BABAM2: variants seen among roughly 807,000 people sequenced by gnomAD.
BABAM2 encodes the protein BRISC and BRCA1 A complex member 2.
Under a neutral mutation model 54.7 loss-of-function variants are expected in BABAM2, and 31 were observed. That is an observed-to-expected ratio of 0.57 (90% CI 0.43 to 0.77). BABAM2 has a LOEUF of 0.77. Ranked by LOEUF, BABAM2 falls within the 30% of genes least tolerant of loss-of-function variation. BABAM2 has a pLI of 0.00. For missense variants in BABAM2, 364 were observed against 455.8 expected (o/e 0.80, Z 1.83); for synonymous variants, 167 against 162.9 (o/e 1.03, Z -0.19).
intron 6 of BABAM2, among the ~76,000 whole-genome samples, chr2:28,121,171 C>T (rs1669032698): frequency 6.6e-6 from 1 of 152,204 alleles, no homozygotes; most frequent in African/African-American, 2.4e-5. Context: ...CATCCTCCTT[C>T]ATGGAGTAAA....
chr2:28,258,057 A>G (rs1684117936), intron 10 of BABAM2, among the ~76,000 whole-genome samples: 1 of 151,946 alleles, frequency 6.6e-6, no homozygotes. Flanking sequence ...GGCACTTGTA[A>G]TCCCACCTAC....
At chr2:28,250,294 G>C (rs1383676797) in intron 10 of BABAM2, among the ~76,000 whole-genome samples, 1 of 145,696 alleles carries the variant, frequency 6.9e-6, no homozygotes, top group Non-Finnish European at 1.5e-5. Context: ...AGCACAGTGA[G>C]TAAGGGGAAG....
intron 5 of BABAM2, among the ~76,000 whole-genome samples, chr2:28,027,655 C>T (rs1176653957): frequency 3.9e-5 from 6 of 152,154 alleles, no homozygotes; most frequent in African/African-American, 1.4e-4. Flanking sequence ...CTTTTTATGG[C>T]TGAATAATAT....
intron 7 of BABAM2, among the ~76,000 whole-genome samples, chr2:28,215,173 T>C (rs990143884): frequency 6.6e-6 from 1 of 152,172 alleles, no homozygotes; most frequent in African/African-American, 2.4e-5. Flanking sequence ...TCTCCTTTCA[T>C]AGTAATATTT....
chr2:27,921,290 G>A lies in BABAM2; in HGVS notation c.129-8542G>A, dbSNP rs556064987. ...TAAATAATTTTCTTTTCATTAGAAC[G>A]CATGTAATAGAACTTCTTTTTGGCA... On this transcript the variant is annotated intron_variant, in intron 2 of 11. Coordinates refer to ENST00000379624, the MANE Select transcript of BABAM2 (RefSeq NM_199191.3). 3.6e-4 allele frequency among the ~76,000 whole-genome samples: 54 copies of A among 152,064 alleles called. 1 individual carries two copies. Among genetic ancestry groups the A allele is most frequent in the African/African-American group, 1.3e-3 (54 of 41,456 alleles).
At chr2:28,217,383 A>C (rs1177098343) in intron 7 of BABAM2, among the ~76,000 whole-genome samples, 2 of 152,240 alleles carry the variant, frequency 1.3e-5, no homozygotes, top group African/African-American at 4.8e-5. Flanking sequence ...AAAGTACTGT[A>C]TGGGTCAGTT....
At chr2:28,093,582 G>C (rs1339128421) in intron 6 of BABAM2, among the ~76,000 whole-genome samples, 2 of 152,028 alleles carry the variant, frequency 1.3e-5, no homozygotes, top group African/African-American at 2.4e-5. Flanking sequence ...ACCTGTAATA[G>C]GAATAAAGAT....
intron 11 of BABAM2, 88 bp from the exon 12 acceptor site, chr2:28,338,362 C>G: frequency 8.4e-7 from 1 of 1,186,030 alleles, no homozygotes; most frequent in South Asian, 1.2e-5. Context: ...AACAACTGTT[C>G]TGAGTTAGCT....
chr2:28,169,809 T>G (rs533206917), intron 7 of BABAM2, among the ~76,000 whole-genome samples: 54 of 150,130 alleles, frequency 3.6e-4, no homozygotes, highest in African/African-American at 1.3e-3. Context: ...AATAAGGGAT[T>G]AGATATTACA....
At chr2:28,038,837 A>C (rs1289245755) in intron 5 of BABAM2, among the ~76,000 whole-genome samples, 1 of 152,190 alleles carries the variant, frequency 6.6e-6, no homozygotes, top group Non-Finnish European at 1.5e-5. Context: ...CAGTGCTATA[A>C]TAAACATATA....
chr2:28,202,416 C>G (rs1321834727), intron 7 of BABAM2, among the ~76,000 whole-genome samples: 1 of 151,928 alleles, frequency 6.6e-6, no homozygotes, highest in Non-Finnish European at 1.5e-5. Flanking sequence ...TGTCTTCTCT[C>G]TCTTCCTCCC....
At chr2:27,893,335 T>G (rs1475345435) in intron 1 of BABAM2, among the ~76,000 whole-genome samples, 1 of 152,228 alleles carries the variant, frequency 6.6e-6, no homozygotes, top group Non-Finnish European at 1.5e-5. Context: ...GTGTAAGGAC[T>G]TAGTGCCTTA....
chr2:28,107,119 C>G (rs1573591074), intron 6 of BABAM2, among the ~76,000 whole-genome samples: 1 of 152,090 alleles, frequency 6.6e-6, no homozygotes, highest in African/African-American at 2.4e-5. Context: ...AACCAACTTG[C>G]TACTGTTGCT....
intron 2 of BABAM2, among the ~76,000 whole-genome samples, chr2:27,902,467 T>C (rs1665860383): frequency 6.6e-6 from 1 of 152,162 alleles, no homozygotes; most frequent in African/African-American, 2.4e-5. Context: ...CATCTTCTAT[T>C]TTATTAGATA....
At chr2:27,930,916 A>G (rs752153126) in intron 3 of BABAM2, among the ~76,000 whole-genome samples, 10 of 152,210 alleles carry the variant, frequency 6.6e-5, no homozygotes, top group Non-Finnish European at 1.3e-4. Context: ...CTATTCCTAA[A>G]AAGAAAAATA....
intron 6 of BABAM2, among the ~76,000 whole-genome samples, chr2:28,050,018 A>T (rs1230508905): frequency 6.6e-6 from 1 of 152,190 alleles, no homozygotes; most frequent in Non-Finnish European, 1.5e-5. Flanking sequence ...ATCTGACTTG[A>T]TACAATACAA....
chr2:28,070,041 T>A (rs897901877), intron 6 of BABAM2, among the ~76,000 whole-genome samples: 1 of 152,164 alleles, frequency 6.6e-6, no homozygotes, highest in Non-Finnish European at 1.5e-5. Context: ...ATGCTAAAAA[T>A]TCATTCTTAA....
At chr2:27,970,336 A>T (rs1558626713) in intron 3 of BABAM2, among the ~76,000 whole-genome samples, 1 of 152,150 alleles carries the variant, frequency 6.6e-6, no homozygotes, top group Non-Finnish European at 1.5e-5. Flanking sequence ...ATTTTAAAGG[A>T]TAACATCTGC....
At chr2:28,267,087 C>T (rs539227196) in intron 10 of BABAM2, among the ~76,000 whole-genome samples, 8 of 152,198 alleles carry the variant, frequency 5.3e-5, no homozygotes, top group African/African-American at 1.7e-4. Flanking sequence ...ACCTGGGAGG[C>T]GGAGGTTGCA....
Sources: gnomAD v4.1 joint callset for allele counts (sites outside exome capture counted in the v4.1 genomes callset) on GRCh38, gnomAD v4.1.1 for gene constraint, MANE v1.5 for transcripts, NCBI Gene and HGNC (gene_info 2026-07-23, HGNC 2026-07-21) for gene names.